Variants in TENM3 observed in about 807,000 individuals in gnomAD.
TENM3 encodes the protein teneurin transmembrane protein 3.
In TENM3, 63 loss-of-function variants were observed where a neutral mutation model predicts 255.1. That is an observed-to-expected ratio of 0.25 (90% CI 0.20 to 0.30). The LOEUF (loss-of-function observed/expected upper bound fraction) is 0.30, where lower values mean the gene tolerates loss of function less well. Among genes scored for constraint, TENM3 ranks in the 10% least tolerant of loss-of-function variants. The pLI is 1.00. For synonymous variants in TENM3, 1,306 were observed against 1,322.3 expected, an observed-to-expected ratio of 0.99 and a Z score of 0.27; for missense variants, 2,929 against 3,461.1, an observed-to-expected ratio of 0.85 and a Z score of 3.86.
At chr4:182,484,683 C>G (rs1056719942) in intron 3 of TENM3, among the ~76,000 whole-genome samples, 1 of 152,078 alleles carries the variant, frequency 6.6e-6, no homozygotes, top group African/African-American at 2.4e-5. Context: ...TATTTCTGAA[C>G]TGGAGTACCC....
At chr4:181,849,930 T>TTCTCTCTCTCTCTCTC in the TENM3 span, among the ~76,000 whole-genome samples, 160 of 84,082 alleles carry the variant, frequency 1.9e-3, 1 homozygote, top group East Asian at 9.3e-3. Context: ...CTCTCTCTCT[T>TTCTCTCTCTCTCTCTC]TCTCTCTCTC....
At chr4:182,378,413 GA>G (rs1767330089) in intron 3 of TENM3, among the ~76,000 whole-genome samples, 1 of 152,236 alleles carries the variant, frequency 6.6e-6, no homozygotes, top group Non-Finnish European at 1.5e-5. Context: ...GCTTCTGTGA[GA>G]GGGGGTATTC....
chr4:182,128,019 A>C, the TENM3 span, among the ~76,000 whole-genome samples: 6 of 152,266 alleles, frequency 3.9e-5, no homozygotes, highest in African/African-American at 1.2e-4. Context: ...ATTTCTTTAT[A>C]GGAAGTTTAA....
At chr4:182,705,660 A>G (rs1016258311) in intron 12 of TENM3, among the ~76,000 whole-genome samples, 1 of 152,196 alleles carries the variant, frequency 6.6e-6, no homozygotes, top group Non-Finnish European at 1.5e-5. Flanking sequence ...GGCAAAAGGA[A>G]GCAAACTTGG....
chr4:182,100,470 CA>C, the TENM3 span, among the ~76,000 whole-genome samples: 1 of 140,138 alleles, frequency 7.1e-6, no homozygotes, highest in African/African-American at 2.6e-5. Flanking sequence ...TATATATACA[CA>C]CACACACACA....
intron 1 of TENM3, among the ~76,000 whole-genome samples, chr4:182,228,497 C>G (rs900280517): frequency 1.3e-5 from 2 of 150,970 alleles, no homozygotes; most frequent in Non-Finnish European, 2.9e-5. Flanking sequence ...CACATCCCAC[C>G]CTATTGATTT....
chr4:182,594,173 A>G (rs571997086), intron 3 of TENM3, among the ~76,000 whole-genome samples: 118 of 152,008 alleles, frequency 7.8e-4, no homozygotes, highest in African/African-American at 2.8e-3. Flanking sequence ...TCCTTTTTGC[A>G]TATTTTTGAT....
chr4:182,789,099 G>A lies in TENM3; in HGVS notation c.5311G>A (p.Gly1771Ser), dbSNP rs768598478. 2 of 1,605,342 alleles carry A rather than the reference G, an allele frequency of 1.2e-6. No individual in the cohort carries two copies. Among genetic ancestry groups the A allele is most frequent in the African/African-American group, 1.3e-5 (1 of 74,744 alleles). The change falls in exon 25 of 28, where the codon GGC becomes AGC. Residue 1771 changes from glycine (G) to serine (S), a missense_variant. By Grantham distance (56) the Gly-to-Ser change is moderately conservative. Transcript: ENST00000511685. This position sits in a 1 kb window ranked among gnomAD's most constrained non-coding sequence, Gnocchi z 4.4. ...CTTGTTGGTGTTGTAACAGGTTAAT[G>A]GCAGAAACCTCCTTTCAGTTGACTT... is the stretch of plus-strand genomic sequence containing the variant. ...NVFGRKLRVNGRNLLSVDFDR... is the reference protein window; with the variant it reads ...NVFGRKLRVNSRNLLSVDFDR...
At chr4:182,774,883 C>A (rs747468875) in intron 23 of TENM3, 35 bp from the exon 24 acceptor site, 1 of 1,478,156 alleles carries the variant, frequency 6.8e-7, no homozygotes, top group East Asian at 2.3e-5. Flanking sequence ...TAATCCATAT[C>A]TAATAGTTCA....
the TENM3 span, among the ~76,000 whole-genome samples, chr4:182,126,221 G>A: frequency 2.3e-3 from 355 of 152,124 alleles, 1 homozygote; most frequent in African/African-American, 8.3e-3. Context: ...CAGAGAGTAA[G>A]TAGGTTGAAT....
intron 1 of TENM3, among the ~76,000 whole-genome samples, chr4:182,263,161 C>T (rs531129319): frequency 5.9e-5 from 9 of 152,128 alleles, no homozygotes; most frequent in South Asian, 2.1e-4. Context: ...CCCTGAGCCG[C>T]GGGGTCAGGG....
the TENM3 span, among the ~76,000 whole-genome samples, chr4:182,044,221 C>T: frequency 6.6e-6 from 1 of 152,034 alleles, no homozygotes; most frequent in African/African-American, 2.4e-5. Flanking sequence ...GCTTTCTAAC[C>T]TTGGAAAAGC....
At chr4:181,600,198 G>A in the TENM3 span, among the ~76,000 whole-genome samples, 1 of 152,102 alleles carries the variant, frequency 6.6e-6, no homozygotes, top group Non-Finnish European at 1.5e-5. Context: ...ATATACCATT[G>A]TGTGAATTCA....
At chr4:182,639,918 C>T (rs1561042894) in intron 5 of TENM3, among the ~76,000 whole-genome samples, 1 of 151,956 alleles carries the variant, frequency 6.6e-6, no homozygotes, top group South Asian at 2.1e-4. Context: ...GGTGAAACCC[C>T]GTCTCTGCTA....
the TENM3 span, among the ~76,000 whole-genome samples, chr4:181,809,855 A>G: frequency 1.3e-5 from 2 of 152,110 alleles, no homozygotes; most frequent in African/African-American, 4.8e-5. Flanking sequence ...CCAGGAACGC[A>G]AGCAGCCTCT....
At chr4:182,768,259 AT>A (rs1763888061) in intron 22 of TENM3, among the ~76,000 whole-genome samples, 1 of 152,202 alleles carries the variant, frequency 6.6e-6, no homozygotes, top group East Asian at 1.9e-4. Flanking sequence ...TAAAGAAGCC[AT>A]TTTATGGGGA....
the TENM3 span, among the ~76,000 whole-genome samples, chr4:181,468,132 C>CCAAA: frequency 2.4e-4 from 31 of 130,724 alleles, 6 homozygotes; most frequent in Admixed American, 4.6e-4. Flanking sequence ...CCCATCTGTA[C>CCAAA]AAAAAAAAAA....
chr4:182,014,141 CAT>C, the TENM3 span, among the ~76,000 whole-genome samples: 1 of 144,518 alleles, frequency 6.9e-6, no homozygotes, highest in African/African-American at 2.5e-5. Context: ...TATACACACA[CAT>C]ATATACTTAT....
chr4:182,737,243 A>G (rs1380167634), intron 17 of TENM3, among the ~76,000 whole-genome samples, 168 bp downstream of exon 17: 4 of 152,164 alleles, frequency 2.6e-5, no homozygotes, highest in African/African-American at 9.7e-5. Context: ...GGGAAAAGGA[A>G]TGTACTCCAT....
Sources: gnomAD v4.1 joint callset for allele counts (sites outside exome capture counted in the v4.1 genomes callset) on GRCh38, gnomAD v4.1.1 for gene constraint, Gnocchi (gnomAD v3.1) non-coding constraint, MANE v1.5 for transcripts, NCBI Gene and HGNC (gene_info 2026-07-23, HGNC 2026-07-21) for gene names.